RGS7: variants seen among roughly 807,000 people sequenced by gnomAD.
The protein encoded by RGS7 is regulator of G-protein signaling 7.
RGS7 carries 27 observed loss-of-function variants against 81.1 expected under a neutral mutation model. That is an observed-to-expected ratio of 0.33 (90% CI 0.25 to 0.46). The LOEUF is 0.46. RGS7 is among the 20% of genes least tolerant of loss of function. The pLI is 1.00. For synonymous variants in RGS7, 208 were observed against 207.7 expected (o/e 1.00, Z -0.01); for missense variants, 396 against 607.4 (o/e 0.65, Z 3.66).
chr1:241,009,803 A>C (rs1478727922), intron 3 of RGS7, among the ~76,000 whole-genome samples: 1 of 152,246 alleles, frequency 6.6e-6, no homozygotes, highest in African/African-American at 2.4e-5. Flanking sequence ...AGAAAGTGGA[A>C]GAAATAGGTC....
rs141026467 is a variant in RGS7, at chr1:240,901,243, A to T, written c.385+29474T>A. 5.2e-4 allele frequency among the ~76,000 whole-genome samples: 79 copies of T among 152,250 alleles called. 1 individual carries two copies. Among genetic ancestry groups the T allele is most frequent in the Middle Eastern group, 3.4e-3 (1 of 294 alleles). On this transcript the variant is annotated intron_variant, in intron 6 of 18. Coordinates refer to ENST00000440928, the MANE Select transcript of RGS7 (RefSeq NM_001364886.1). The stretch of plus-strand genomic sequence containing the variant: ...AATTCCCCGACCCCTTGTGCTTCCC[A>T]GGTGAGGCGATGCCCCACCCTGCTT...
At chr1:241,348,488 G>A (rs575695871) in intron 2 of RGS7, among the ~76,000 whole-genome samples, 14 of 152,326 alleles carry the variant, frequency 9.2e-5, no homozygotes, top group South Asian at 2.1e-4. Flanking sequence ...CAAACACAAA[G>A]TCTTAGTGGA....
intron 9 of RGS7, among the ~76,000 whole-genome samples, chr1:240,831,342 T>C (rs1157127789): frequency 6.6e-6 from 1 of 152,200 alleles, no homozygotes; most frequent in African/African-American, 2.4e-5. Context: ...GACCCAGTGC[T>C]GATAACCCCT....
At chr1:241,113,073 C>T (rs2065645001) in intron 2 of RGS7, among the ~76,000 whole-genome samples, 1 of 152,202 alleles carries the variant, frequency 6.6e-6, no homozygotes, top group South Asian at 2.1e-4. Flanking sequence ...ATACAAAATC[C>T]CAAGGCAAAG....
intron 2 of RGS7, among the ~76,000 whole-genome samples, chr1:241,308,176 A>G (rs1345059212): frequency 6.6e-6 from 1 of 151,630 alleles, no homozygotes; most frequent in African/African-American, 2.4e-5. Context: ...AATGAGGGGG[A>G]CATTGAGTGT....
At chr1:241,156,597 G>A (rs1329228995) in intron 2 of RGS7, among the ~76,000 whole-genome samples, 2 of 145,310 alleles carry the variant, frequency 1.4e-5, no homozygotes, top group East Asian at 2.1e-4. Context: ...GAGGGGAGAC[G>A]AGGGGAGGGG....
chr1:240,916,609 C>T (rs892096843), intron 6 of RGS7, among the ~76,000 whole-genome samples: 2 of 152,034 alleles, frequency 1.3e-5, no homozygotes, highest in African/African-American at 4.8e-5. Flanking sequence ...AGGGTGAGGT[C>T]CCAATCCAAT....
chr1:240,986,105 A>C (rs1044182235), intron 3 of RGS7, among the ~76,000 whole-genome samples: 3 of 152,112 alleles, frequency 2.0e-5, no homozygotes, highest in African/African-American at 7.2e-5. Flanking sequence ...TTTTGAAATC[A>C]CACTTTCACT....
At chr1:241,283,175 T>C (rs950625704) in intron 2 of RGS7, among the ~76,000 whole-genome samples, 2 of 152,188 alleles carry the variant, frequency 1.3e-5, no homozygotes, top group African/African-American at 4.8e-5. Flanking sequence ...GTCAAACATA[T>C]GTAGAAAACT....
intron 2 of RGS7, among the ~76,000 whole-genome samples, chr1:241,234,520 A>G (rs2075827539): frequency 6.7e-6 from 1 of 149,440 alleles, no homozygotes; most frequent in Non-Finnish European, 1.5e-5. Flanking sequence ...GTTAAACCAG[A>G]TCTGCTAAAT....
chr1:240,817,452 A>G (rs547225955), intron 10 of RGS7, among the ~76,000 whole-genome samples: 3 of 152,210 alleles, frequency 2.0e-5, no homozygotes, highest in Non-Finnish European at 4.4e-5. Context: ...GCTTGCCAAT[A>G]TCTCTAAATT....
intron 3 of RGS7, among the ~76,000 whole-genome samples, chr1:241,079,158 G>C (rs901414593): frequency 6.6e-6 from 1 of 152,124 alleles, no homozygotes; most frequent in Non-Finnish European, 1.5e-5. Flanking sequence ...AGATAAAAGC[G>C]ATGTGCAGCA....
intron 2 of RGS7, among the ~76,000 whole-genome samples, chr1:241,107,016 T>C (rs915667689): frequency 3.9e-5 from 6 of 152,144 alleles, no homozygotes; most frequent in African/African-American, 1.4e-4. Context: ...ATTACTTGGG[T>C]TGACAGAATC....
At chr1:241,007,867 C>A (rs12733273) in intron 3 of RGS7, among the ~76,000 whole-genome samples, 21,590 of 152,174 alleles carry the variant, frequency 0.14, 1,644 homozygotes, top group East Asian at 0.21. Flanking sequence ...GCATCTTGTA[C>A]CTGCAACACC....
At chr1:240,932,876 CTTTTTTTTTTTTTT>C (rs36194238) in intron 5 of RGS7, among the ~76,000 whole-genome samples, 9 of 57,328 alleles carry the variant, frequency 1.6e-4, no homozygotes, top group African/African-American at 2.0e-4. Flanking sequence ...TGGTATCTTT[CTTTTTTTTTTTTTT>C]TTTTTTTTTT....
In RGS7 at chr1:241,275,708, G is replaced by A. The variant is rs549215825; in HGVS notation, c.78+79991C>T. 3.3e-5 allele frequency among the ~76,000 whole-genome samples: 5 copies of A among 152,330 alleles called. No homozygotes were observed. In the South Asian group the frequency reaches 8.3e-4, roughly 25 times the overall value. On this transcript the variant is annotated intron_variant, in intron 2 of 18. Coordinates refer to ENST00000440928, the MANE Select transcript of RGS7 (RefSeq NM_001364886.1). The stretch of plus-strand genomic sequence containing the variant: ...CCACAGAGCCCTATTTTGAACAACA[G>A]CTGGGAGAGAATCAAGCAAGCTCTT...
At chr1:240,994,221 T>C (rs1686940889) in intron 3 of RGS7, among the ~76,000 whole-genome samples, 1 of 152,228 alleles carries the variant, frequency 6.6e-6, no homozygotes, top group Admixed American at 6.5e-5. Flanking sequence ...AAAAAAATCT[T>C]GCTGGGGTTT....
chr1:241,196,152 T>C (rs988855823), intron 2 of RGS7, among the ~76,000 whole-genome samples: 2 of 152,186 alleles, frequency 1.3e-5, no homozygotes. Flanking sequence ...TGACAGCTAA[T>C]AGCTGACTTC....
chr1:241,279,616 C>G (rs1054996655), intron 2 of RGS7, among the ~76,000 whole-genome samples: 1 of 152,176 alleles, frequency 6.6e-6, no homozygotes, highest in African/African-American at 2.4e-5. Context: ...AGTAAAATAT[C>G]ACAACCAGGA....
Sources: allele counts gnomAD v4.1 joint callset (sites outside exome capture counted in the v4.1 genomes callset), GRCh38; gene constraint gnomAD v4.1.1; transcripts MANE v1.5; gene names NCBI Gene and HGNC (gene_info 2026-07-23, HGNC 2026-07-21).